Variants in ADD2 observed in about 807,000 individuals in gnomAD.
The protein encoded by ADD2 is beta-adducin.
ADD2 carries 23 observed loss-of-function variants against 83.0 expected under a neutral mutation model. The observed-to-expected ratio is 0.28, with a 90% CI of 0.20 to 0.39. The LOEUF is 0.39. ADD2 is among the 10% of genes least tolerant of loss of function. The pLI is 1.00. For missense variants in ADD2, 758 were observed against 944.9 expected, an observed-to-expected ratio of 0.80 and a Z score of 2.59; for synonymous variants, 375 against 375.4, an observed-to-expected ratio of 1.00 and a Z score of 0.01.
At chr2:70,754,703 A>G (rs1318944283) in intron 1 of ADD2, among the ~76,000 whole-genome samples, 3 of 151,778 alleles carry the variant, frequency 2.0e-5, no homozygotes, top group African/African-American at 7.3e-5. Context: ...AATGCCACTT[A>G]TCTCTCCTTC....
At chr2:70,753,551 G>T (rs1398268728) in intron 1 of ADD2, among the ~76,000 whole-genome samples, 2 of 152,004 alleles carry the variant, frequency 1.3e-5, no homozygotes, top group African/African-American at 4.8e-5. Context: ...TAGAAGCAGG[G>T]GCCACTCAAC....
chr2:70,667,300 G>C (rs1441590491), intron 15 of ADD2, among the ~76,000 whole-genome samples: 1 of 152,146 alleles, frequency 6.6e-6, no homozygotes, highest in Admixed American at 6.5e-5. Flanking sequence ...GGCAATGGGA[G>C]AACAGGTGAC....
intron 2 of ADD2, among the ~76,000 whole-genome samples, chr2:70,712,322 T>A (rs1331872206): frequency 6.6e-6 from 1 of 151,874 alleles, no homozygotes; most frequent in Non-Finnish European, 1.5e-5. Flanking sequence ...TGTGCACCTG[T>A]AGTCCCAGCT....
At chr2:70,683,218 A>T (rs1162717271) in intron 10 of ADD2, among the ~76,000 whole-genome samples, 1 of 151,748 alleles carries the variant, frequency 6.6e-6, no homozygotes, top group East Asian at 1.9e-4. Context: ...TAGTAGAGAC[A>T]GTGTTTCACT....
At chr2:70,704,265 C>T in intron 4 of ADD2, 56 bp downstream of exon 4, 13 of 442,426 alleles carry the variant, frequency 2.9e-5, no homozygotes, top group Non-Finnish European at 4.5e-5. Flanking sequence ...CCCTCTCTTC[C>T]CCACCCCACC....
chr2:70,677,181 T>C (rs1553368537), intron 12 of ADD2, among the ~76,000 whole-genome samples: 1 of 152,042 alleles, frequency 6.6e-6, no homozygotes. Context: ...TTGTTTTAAA[T>C]ACAGATTCTA....
At position 70,656,930 on chromosome 2, in the gene ADD2, A is replaced by G. The variant is rs1398870098; in HGVS notation, c.*6495T>C. The G allele has an allele frequency of 6.6e-6, 1 of 152,164 alleles. No individual in the cohort carries two copies. The highest frequency in any genetic ancestry group is 2.4e-5 in the African/African-American group (1 of 41,434). 9.4% of individuals were successfully genotyped at this position (152,164 alleles called of 1,614,324 possible). A position where few individuals can be genotyped will look rare whatever the true frequency, so the allele number is the denominator to read the frequency against. On this transcript the variant is annotated 3_prime_UTR_variant, in exon 16 of 16. Coordinates refer to ENST00000264436, the MANE Select transcript of ADD2 (RefSeq NM_001617.4). ...AGGAGGGCTCAGGAAGTGGCTTTGG[A>G]AAGTTCTCGTGAAAATCAAAGGGCA...
rs1553364961 is a variant in ADD2 at position 70,661,332 on chromosome 2, G to A, written c.*2093C>T. 6.6e-6 allele frequency: 1 copy of A among 152,194 alleles called. No homozygotes were observed. Among genetic ancestry groups the A allele is most frequent in the Non-Finnish European group, 1.5e-5 (1 of 68,044 alleles). The allele number at this position is 152,194 out of a possible 1,614,324, so 9.4% of individuals were successfully genotyped here. On this transcript the variant is annotated 3_prime_UTR_variant, in exon 16 of 16. Coordinates refer to ENST00000264436, the MANE Select transcript of ADD2 (RefSeq NM_001617.4). ...TGGATCCTTAACAAATACCATGTAAGGATAAATGAATAAGTGTGAAATCTA... is the reference window on the plus strand; with the variant it reads ...TGGATCCTTAACAAATACCATGTAAAGATAAATGAATAAGTGTGAAATCTA...
chr2:70,661,343 T>TA lies in ADD2; in HGVS notation c.*2081dup, dbSNP rs1675530357. 1 of 152,210 alleles carries TA rather than the reference T, an allele frequency of 6.6e-6. No individual in the cohort carries two copies. The highest frequency in any genetic ancestry group is 2.4e-5 in the African/African-American group (1 of 41,464). 9.4% of individuals were successfully genotyped at this position (152,210 alleles called of 1,614,324 possible). Reference sequence around the variant, plus strand: ...CAAATACCATGTAAGGATAAATGAATAAGTGTGAAATCTACTTTTTAAAAG... The same window carrying TA: ...CAAATACCATGTAAGGATAAATGAATAAAGTGTGAAATCTACTTTTTAAAAG... On this transcript the variant is annotated 3_prime_UTR_variant, in exon 16 of 16. Transcript: ENST00000264436.
chr2:70,743,635 T>A (rs1674035333), intron 1 of ADD2, among the ~76,000 whole-genome samples: 1 of 152,232 alleles, frequency 6.6e-6, no homozygotes, highest in Non-Finnish European at 1.5e-5. Flanking sequence ...TATTTAAAAA[T>A]AAATCTGGTT....
chr2:70,733,518 T>C (rs1464182606), intron 1 of ADD2, among the ~76,000 whole-genome samples: 2 of 152,244 alleles, frequency 1.3e-5, no homozygotes, highest in South Asian at 4.2e-4. Flanking sequence ...AAGCGCTGAG[T>C]TTAATTTCCT....
At chr2:70,755,977 T>C (rs1674759543) in intron 1 of ADD2, among the ~76,000 whole-genome samples, 1 of 150,704 alleles carries the variant, frequency 6.6e-6, no homozygotes, top group Admixed American at 6.6e-5. Context: ...GAGAATCGCT[T>C]GAACCCGGGA....
chr2:70,728,389 CG>C (rs34389005), intron 1 of ADD2, among the ~76,000 whole-genome samples: 1 of 152,148 alleles, frequency 6.6e-6, no homozygotes, highest in Non-Finnish European at 1.5e-5. Context: ...AAGCCCACAG[CG>C]GGGGTCAGTC....
intron 1 of ADD2, among the ~76,000 whole-genome samples, chr2:70,742,732 C>T (rs782364478): frequency 3.3e-5 from 5 of 152,176 alleles, no homozygotes; most frequent in African/African-American, 4.8e-5. Context: ...ACAATCCACT[C>T]AAGTCCTTGA....
At chr2:70,726,550 T>C (rs573174407) in intron 1 of ADD2, among the ~76,000 whole-genome samples, 69 of 152,336 alleles carry the variant, frequency 4.5e-4, no homozygotes, top group African/African-American at 1.6e-3. Context: ...CCCTGCCTTA[T>C]GGAGGGCCCA....
chr2:70,670,074 AC>A (rs1163643980), intron 15 of ADD2, among the ~76,000 whole-genome samples: 1 of 152,172 alleles, frequency 6.6e-6, no homozygotes, highest in Non-Finnish European at 1.5e-5. Context: ...ACCCCAGTCA[AC>A]CCACAAAAGA....
At chr2:70,752,580 G>T (rs1660052295) in intron 1 of ADD2, among the ~76,000 whole-genome samples, 1 of 152,154 alleles carries the variant, frequency 6.6e-6, no homozygotes. Flanking sequence ...TGATAGACTG[G>T]ATGAAAAAGT....
Position 70,767,955 on chromosome 2 carries a change from G to C in ADD2, c.-223C>G. On this transcript the variant is annotated 5_prime_UTR_variant, in exon 1 of 16. Transcript: ENST00000264436. Reference sequence around the variant, plus strand: ...TGGTTTTGTTATTTTATGGGTTTGGGGGGTGGGGTGCGCTTAAAAAATCCA... The same window carrying C: ...TGGTTTTGTTATTTTATGGGTTTGGCGGGTGGGGTGCGCTTAAAAAATCCA... 6.5e-7 allele frequency: 1 copy of C among 1,535,790 alleles called. No homozygotes were observed. Among genetic ancestry groups the C allele is most frequent in the Non-Finnish European group, 8.7e-7 (1 of 1,146,742 alleles).
chr2:70,753,078 C>T (rs1553383201), intron 1 of ADD2, among the ~76,000 whole-genome samples: 1 of 152,152 alleles, frequency 6.6e-6, no homozygotes, highest in African/African-American at 2.4e-5. Flanking sequence ...CAGGGCAAAG[C>T]TCTCTCACAC....
Sources: gnomAD v4.1 joint callset for allele counts (sites outside exome capture counted in the v4.1 genomes callset) on GRCh38, gnomAD v4.1.1 for gene constraint, MANE v1.5 for transcripts, NCBI Gene and HGNC (gene_info 2026-07-23, HGNC 2026-07-21) for gene names.